Variants in TUSC3 observed in about 807,000 individuals in gnomAD.
TUSC3 encodes dolichyl-diphosphooligosaccharide--protein glycosyltransferase subunit TUSC3.
A neutral mutation model predicts 44.8 loss-of-function variants in TUSC3; 45 were observed. The ratio of observed to expected loss-of-function variants is 1.00; its 90% CI spans 0.79 to 1.29. TUSC3 has a LOEUF of 1.29. Ranked by LOEUF, TUSC3 falls within the 50% of genes most tolerant of loss-of-function variation. The pLI is 0.00. For missense variants in TUSC3, 519 were observed against 437.9 expected (o/e 1.19, Z -1.65); for synonymous variants, 212 against 152.9 (o/e 1.39, Z -2.85).
At chr8:15,812,784 T>C in the TUSC3 span, among the ~76,000 whole-genome samples, 1 of 152,004 alleles carries the variant, frequency 6.6e-6, no homozygotes, top group African/African-American at 2.4e-5. Context: ...TATACCATGA[T>C]TTTATATCAT....
chr8:15,592,908 G>A (rs1452496202), intron 1 of TUSC3, among the ~76,000 whole-genome samples: 1 of 152,024 alleles, frequency 6.6e-6, no homozygotes. Flanking sequence ...GTTGTCATCA[G>A]GACTCAAACT....
intron 1 of TUSC3, among the ~76,000 whole-genome samples, chr8:15,460,807 T>C (rs545714262): frequency 1.3e-5 from 2 of 152,278 alleles, no homozygotes; most frequent in Non-Finnish European, 2.9e-5. Context: ...CACTTTGTTT[T>C]TGTTTGCTTT....
At chr8:15,773,781 C>T in the TUSC3 span, among the ~76,000 whole-genome samples, 4 of 152,140 alleles carry the variant, frequency 2.6e-5, no homozygotes, top group East Asian at 1.9e-4. Flanking sequence ...AATCCAAAAA[C>T]ATACCCATAA....
chr8:15,464,920 G>A (rs1456663268), intron 1 of TUSC3, among the ~76,000 whole-genome samples: 1 of 152,090 alleles, frequency 6.6e-6, no homozygotes, highest in African/African-American at 2.4e-5. Flanking sequence ...TGTGATCTTG[G>A]CTCACTGCAA....
At chr8:15,463,088 C>T (rs568075210) in intron 1 of TUSC3, among the ~76,000 whole-genome samples, 1 of 151,908 alleles carries the variant, frequency 6.6e-6, no homozygotes, top group East Asian at 1.9e-4. Flanking sequence ...CTTCTTTTGC[C>T]TCTCTGTGTC....
At position 15,596,984 on chromosome 8, in the gene TUSC3, G is replaced by C. The variant is rs139395356; in HGVS notation, c.139-26096G>C. Among the ~76,000 whole-genome samples the C allele has an allele frequency of 4.7e-3, 716 of 152,278 alleles. 3 individuals carry two copies. Among genetic ancestry groups the C allele is most frequent in the African/African-American group, 0.011 (452 of 41,564 alleles). The stretch of plus-strand genomic sequence containing the variant: ...TTTAAACCTTGGTTAGGTAGCACCA[G>C]TTGAAAGTTAATAATTAGTTGTGGA... On this transcript the variant is annotated intron_variant, in intron 1 of 10. Transcript: ENST00000503731.
At chr8:15,740,769 T>C (rs1432269934) in intron 7 of TUSC3, among the ~76,000 whole-genome samples, 1 of 152,152 alleles carries the variant, frequency 6.6e-6, no homozygotes, top group Non-Finnish European at 1.5e-5. Context: ...TCTCAAAAAT[T>C]CCACTTATGG....
intron 1 of TUSC3, among the ~76,000 whole-genome samples, chr8:15,464,975 A>G (rs1403029304): frequency 6.6e-6 from 1 of 151,940 alleles, no homozygotes; most frequent in Admixed American, 6.6e-5. Context: ...TCAGCCTCCC[A>G]AGTAGGTGGG....
chr8:15,569,144 GTTTA>G (rs1443379731), intron 1 of TUSC3, among the ~76,000 whole-genome samples: 2 of 152,122 alleles, frequency 1.3e-5, no homozygotes, highest in Non-Finnish European at 2.9e-5. Context: ...CATGCGAAAT[GTTTA>G]TTTATAGTCT....
upstream of TUSC3, chr8:15,540,180 A>G: frequency 2.2e-6 from 1 of 455,730 alleles, no homozygotes; most frequent in Non-Finnish European, 3.7e-6. Context: ...GCGCCCCCGA[A>G]GCCTGGCTCC....
the TUSC3 span, among the ~76,000 whole-genome samples, chr8:15,791,320 CGATTATCCATAGTGGAATAT>C: frequency 1.3e-5 from 2 of 151,732 alleles, no homozygotes; most frequent in Non-Finnish European, 1.5e-5. Flanking sequence ...TCTTGAAATA[CGATTATCCATAGTGGAATAT>C]GATTATCCAT....
intron 6 of TUSC3, among the ~76,000 whole-genome samples, chr8:15,718,560 G>A (rs1810154923): frequency 6.6e-6 from 1 of 152,100 alleles, no homozygotes; most frequent in Non-Finnish European, 1.5e-5. Flanking sequence ...ATGTAAAAGA[G>A]CTGTTGAATT....
intron 2 of TUSC3, among the ~76,000 whole-genome samples, chr8:15,514,158 C>G (rs10095592): frequency 0.96 from 146,545 of 152,112 alleles, 70,819 homozygotes; most frequent in East Asian, 1. Context: ...TCATTTACGC[C>G]GCATTATTTA....
intron 1 of TUSC3, among the ~76,000 whole-genome samples, chr8:15,551,118 T>C (rs1802047338): frequency 6.6e-6 from 1 of 151,756 alleles, no homozygotes; most frequent in Non-Finnish European, 1.5e-5. Context: ...TTGAACAAGA[T>C]CAGGATTTCT....
chr8:15,602,789 C>T (rs909703592), intron 1 of TUSC3, among the ~76,000 whole-genome samples: 13 of 150,284 alleles, frequency 8.7e-5, no homozygotes, highest in African/African-American at 2.7e-4. Context: ...CTTAGATTAG[C>T]GATTTTTATT....
At chr8:15,534,467 C>A (rs1432786810) in intron 2 of TUSC3, among the ~76,000 whole-genome samples, 2 of 151,806 alleles carry the variant, frequency 1.3e-5, no homozygotes, top group African/African-American at 4.8e-5. Context: ...CACGGTGAAA[C>A]CCCGTCTGTA....
At chr8:15,650,981 T>C (rs1806875871) in intron 3 of TUSC3, 167 bp downstream of exon 3, 1 of 568,130 alleles carries the variant, frequency 1.8e-6, no homozygotes, top group Non-Finnish European at 3.1e-6. Flanking sequence ...AGAGCAAGAC[T>C]TTTACACACA....
Position 15,623,064 on chromosome 8 carries a change from C to A in TUSC3, c.139-16C>A, listed in dbSNP as rs1805323314. 1 of 1,612,296 alleles carries A rather than the reference C, an allele frequency of 6.2e-7. No homozygotes were observed. Among genetic ancestry groups the A allele is most frequent in the Non-Finnish European group, 8.5e-7 (1 of 1,179,018 alleles). On this transcript the variant is annotated splice_polypyrimidine_tract_variant and intron_variant, in intron 1 of 10. Coordinates refer to ENST00000503731, the MANE Select transcript of TUSC3 (RefSeq NM_006765.4). ...TTTGACTCTTTGTAAATGTTAATTTCTGTGTTTAATTGCAGAATCTTTTAG... is the reference window on the plus strand; with the variant it reads ...TTTGACTCTTTGTAAATGTTAATTTATGTGTTTAATTGCAGAATCTTTTAG...
chr8:15,506,504 C>A (rs1386731529), intron 2 of TUSC3, among the ~76,000 whole-genome samples: 1 of 152,096 alleles, frequency 6.6e-6, no homozygotes, highest in African/African-American at 2.4e-5. Context: ...AATACCAAGA[C>A]TGGGTAATTT....
Sources: allele counts gnomAD v4.1 joint callset (sites outside exome capture counted in the v4.1 genomes callset), GRCh38; gene constraint gnomAD v4.1.1; transcripts MANE v1.5; gene names NCBI Gene and HGNC (gene_info 2026-07-23, HGNC 2026-07-21).